The following TEX15 variants were observed in gnomAD, a reference collection of about 807,000 sequenced individuals.
TEX15 encodes testis-expressed protein 15.
TEX15 carries 171 observed loss-of-function variants against 237.3 expected under a neutral mutation model. The observed-to-expected ratio is 0.72, with a 90% confidence interval of 0.64 to 0.82. The LOEUF is 0.82. TEX15 is among the 40% of genes least tolerant of loss of function. The pLI, the probability that TEX15 is intolerant of heterozygous loss-of-function variation, is 0.00. For synonymous variants in TEX15, 1,338 were observed against 1,269.8 expected (o/e 1.05, Z -1.14); for missense variants, 3,750 against 3,646.5 (o/e 1.03, Z -0.73).
chr8:30,844,533 C>G lies in TEX15; in HGVS notation c.5634G>C (p.Gln1878His). 6.2e-7 allele frequency: 1 copy of G among 1,612,560 alleles called. No individual in the cohort carries two copies. The highest frequency in any genetic ancestry group is 8.5e-7 in the Non-Finnish European group (1 of 1,179,450). Residue 1878 changes from glutamine (Q) to histidine (H), a missense_variant, in exon 8 of 11, where the codon CAG becomes CAC. Gln to His is a conservative substitution (Grantham distance 24). Transcript: ENST00000643185. ...CATTTAAGCAGGATTCTTCTGAGATCTGATTCTTTTGATTTTTGTACTCAG... is the reference window on the plus strand; with the variant it reads ...CATTTAAGCAGGATTCTTCTGAGATGTGATTCTTTTGATTTTTGTACTCAG... ...VNTEYKNQKN[Q>H]ISEESCLNEK...
chr8:30,887,177 T>G lies in TEX15; in HGVS notation c.126A>C (p.Thr42=). ...KKFTIPKIRR[T]AEKVYLSPCY... The stretch of plus-strand genomic sequence containing the variant: ...CCACAGAAATATTACCTTTCTCAGC[T>G]GTCCTCCTGATCTTAGGAATGGTGA... The change falls in exon 3 of 11, where the codon ACA becomes ACC. Residue 42 remains threonine, a synonymous_variant. Coordinates refer to ENST00000643185, the MANE Select transcript of TEX15 (RefSeq NM_001350162.2). 6.5e-7 allele frequency: 1 copy of G among 1,532,156 alleles called. No homozygotes were observed. The highest frequency in any genetic ancestry group is 8.7e-7 in the Non-Finnish European group (1 of 1,145,868). The allele number at this position is 1,532,156 out of a possible 1,614,324, so 94.9% of individuals were successfully genotyped here.
In TEX15 at chr8:30,837,604, G is replaced by A; in HGVS notation, c.8680C>T (p.Leu2894Phe). The change falls in exon 10 of 11, where the codon CTC (leucine) becomes TTC (phenylalanine). Residue 2894 changes from leucine (L) to phenylalanine (F), a missense_variant. Physicochemically the swap from Leu to Phe is conservative, Grantham distance 22. Transcript: ENST00000643185. ...DVSLVPDASV[L>F]SKPIFCFVKD... Reference sequence around the variant, plus strand: ...ACAAAACAGAAAATTGGCTTTGAGAGCACCGACGCATCAGGCACAAGAGAA... The same window carrying A: ...ACAAAACAGAAAATTGGCTTTGAGAACACCGACGCATCAGGCACAAGAGAA... 1.2e-6 allele frequency: 2 copies of A among 1,614,030 alleles called. No homozygotes were observed. The highest frequency in any genetic ancestry group is 1.7e-6 in the Non-Finnish European group (2 of 1,179,912).
chr8:30,846,646 G>A lies in TEX15; in HGVS notation c.3521C>T (p.Ser1174Phe). The A allele has an allele frequency of 6.2e-7, 1 of 1,613,904 alleles. No homozygotes were observed. The highest frequency in any genetic ancestry group is 8.5e-7 in the Non-Finnish European group (1 of 1,179,850). ...GCAAAAACTATCTTTCAATGCAAGG[G>A]AGTCAGCTGTCGGGCTGAATCCTGG... ...FRPGFSPTAD[S>F]LALKDSFCTH... Residue 1174 changes from serine (S) to phenylalanine (F), a missense_variant, in exon 8 of 11, where the codon TCC becomes TTC. By Grantham distance (155) the Ser-to-Phe change is radical. Coordinates refer to ENST00000643185, the MANE Select transcript of TEX15 (RefSeq NM_001350162.2).
In TEX15 at chr8:30,844,736, C is replaced by T. The variant is rs747792739; in HGVS notation, c.5431G>A (p.Glu1811Lys). 3 of 1,613,150 alleles carry T rather than the reference C, an allele frequency of 1.9e-6. No homozygotes were observed. The highest frequency in any genetic ancestry group is 1.6e-4 in the Middle Eastern group (1 of 6,062). The change falls in exon 8 of 11, where the codon GAA (glutamate) becomes AAA (lysine). Residue 1811 changes from glutamate (E) to lysine (K), a missense_variant. Glu to Lys is a moderately conservative substitution (Grantham distance 56). Transcript: ENST00000643185. ...EDKSYGENIV[E>K]LSSSDSSLLL... ...AGAGAACTATCACTGGAAGATAATT[C>T]CACTATATTTTCCCCATAACTTTTA...
At position 30,848,434 on chromosome 8, in the gene TEX15, C is replaced by T; in HGVS notation, c.1733G>A (p.Ser578Asn). The change falls in exon 8 of 11, where the codon AGT (serine) becomes AAT (asparagine). Residue 578 changes from serine to asparagine, a missense_variant. Transcript: ENST00000643185. Reference protein sequence around the residue: ...SGNAYTKEYSSHIFQDSQSSD... With the variant: ...SGNAYTKEYSNHIFQDSQSSD... ...AGACTGCGAGTCCTGAAAAATGTGA[C>T]TACTGTACTCTTTTGTATAAGCATT... The T allele has an allele frequency of 6.2e-7, 1 of 1,614,114 alleles. No homozygotes were observed. The highest frequency in any genetic ancestry group is 8.5e-7 in the Non-Finnish European group (1 of 1,180,010).
chr8:30,895,575 G>A (rs1030922675), intron 2 of TEX15, among the ~76,000 whole-genome samples: 169 of 149,876 alleles, frequency 1.1e-3, no homozygotes, highest in African/African-American at 3.9e-3. Context: ...TTTTTTTAAC[G>A]GAGCTCAGAC....
At chr8:30,867,540 A>G (rs1174490583) in intron 4 of TEX15, 38 bp from the exon 5 acceptor site, 4 of 1,259,436 alleles carry the variant, frequency 3.2e-6, no homozygotes, top group African/African-American at 3.0e-5. Context: ...TTAAAGATAA[A>G]TATCAACAAA....
intron 1 of TEX15, among the ~76,000 whole-genome samples, chr8:30,908,953 G>T (rs779381137): frequency 1.1e-4 from 16 of 151,878 alleles, no homozygotes; most frequent in African/African-American, 3.1e-4. Flanking sequence ...TGCCATTTCC[G>T]CATTCATATT....
Position 30,849,292 on chromosome 8 carries a change from C to G in TEX15, c.875G>C (p.Cys292Ser), listed in dbSNP as rs1392869253. ...TTTTCCAAATCTTTTGGCCACTGTACAGTTATTCAGAGAGCATGTCCTTTC... is the reference window on the plus strand; with the variant it reads ...TTTTCCAAATCTTTTGGCCACTGTAGAGTTATTCAGAGAGCATGTCCTTTC... ...RAERTCSLNN[C>S]TVAKRFGKGK... The change falls in exon 8 of 11, where the codon TGT (cysteine) becomes TCT (serine). Residue 292 changes from cysteine to serine, a missense_variant. Cys to Ser is a moderately radical substitution (Grantham distance 112). Coordinates refer to ENST00000643185, the MANE Select transcript of TEX15 (RefSeq NM_001350162.2). 2.0e-6 allele frequency: 3 copies of G among 1,523,822 alleles called. No individual in the cohort carries two copies. The highest frequency in any genetic ancestry group is 1.8e-6 in the Non-Finnish European group (2 of 1,142,636). 94.4% of individuals were successfully genotyped at this position (1,523,822 alleles called of 1,614,324 possible).
intron 7 of TEX15, among the ~76,000 whole-genome samples, chr8:30,850,008 A>G (rs899347709): frequency 6.6e-6 from 1 of 152,124 alleles, no homozygotes; most frequent in Admixed American, 6.6e-5. Context: ...ATGTTTAATA[A>G]TAGCATGTAC....
At chr8:30,879,580 T>C (rs998343026) in intron 3 of TEX15, among the ~76,000 whole-genome samples, 1 of 152,238 alleles carries the variant, frequency 6.6e-6, no homozygotes, top group Non-Finnish European at 1.5e-5. Context: ...AGAAAATCAA[T>C]TGAGCATATT....
intron 2 of TEX15, among the ~76,000 whole-genome samples, chr8:30,894,635 C>A (rs1808858598): frequency 6.6e-6 from 1 of 152,098 alleles, no homozygotes; most frequent in Non-Finnish European, 1.5e-5. Context: ...ACAAATAGTG[C>A]CAGGAAAACT....
intron 4 of TEX15, among the ~76,000 whole-genome samples, chr8:30,873,769 A>T (rs1808345032): frequency 6.6e-6 from 1 of 152,168 alleles, no homozygotes; most frequent in Non-Finnish European, 1.5e-5. Flanking sequence ...ATGAGACACA[A>T]ATCAATATAT....
chr8:30,862,239 A>T (rs1465856725), intron 5 of TEX15, among the ~76,000 whole-genome samples: 1 of 152,202 alleles, frequency 6.6e-6, no homozygotes, highest in Non-Finnish European at 1.5e-5. Flanking sequence ...AGCATTTAGG[A>T]GTGTAAAAAC....
chr8:30,912,310 G>A (rs1265479243), intron 1 of TEX15, among the ~76,000 whole-genome samples: 1 of 151,382 alleles, frequency 6.6e-6, no homozygotes, highest in East Asian at 2.0e-4. Flanking sequence ...GGAGTCCCGA[G>A]TTGCGGTCCC....
intron 2 of TEX15, among the ~76,000 whole-genome samples, chr8:30,894,892 G>A (rs1012448261): frequency 6.6e-6 from 1 of 152,148 alleles, no homozygotes; most frequent in African/African-American, 2.4e-5. Flanking sequence ...CTCCTTTGTA[G>A]CTTCCACCAT....
Position 30,832,522 on chromosome 8 carries a change from A to C in TEX15, c.*764T>G, listed in dbSNP as rs1807203692. The C allele has an allele frequency of 6.6e-6, 1 of 152,240 alleles. No individual in the cohort carries two copies. Among genetic ancestry groups the C allele is most frequent in the Admixed American group, 6.5e-5 (1 of 15,282 alleles). The allele number at this position is 152,240 out of a possible 1,614,324, so 9.4% of individuals were successfully genotyped here. Reference sequence around the variant, plus strand: ...AGAAGGTTAAAAAGAAAAGTCTATGACAAGAGCATGAAAAAACTATGTTTG... The same window carrying C: ...AGAAGGTTAAAAAGAAAAGTCTATGCCAAGAGCATGAAAAAACTATGTTTG... On this transcript the variant is annotated 3_prime_UTR_variant, in exon 11 of 11. Transcript: ENST00000643185.
intron 1 of TEX15, among the ~76,000 whole-genome samples, chr8:30,903,343 C>T (rs1809040847): frequency 6.6e-6 from 1 of 152,188 alleles, no homozygotes; most frequent in Non-Finnish European, 1.5e-5. Flanking sequence ...AGCTGCTTTT[C>T]ATCACGGGGA....
chr8:30,854,084 A>G (rs536251543), intron 7 of TEX15, among the ~76,000 whole-genome samples: 1 of 152,096 alleles, frequency 6.6e-6, no homozygotes, highest in Admixed American at 6.5e-5. Flanking sequence ...CTTCCATCTT[A>G]AGACACACAC....
Sources: gnomAD v4.1 joint callset for allele counts (sites outside exome capture counted in the v4.1 genomes callset) on GRCh38, gnomAD v4.1.1 for gene constraint, MANE v1.5 for transcripts, NCBI Gene and HGNC (gene_info 2026-07-23, HGNC 2026-07-21) for gene names.